Variants in C2orf49 observed in about 807,000 individuals in gnomAD.
The protein encoded by C2orf49 is tRNA-splicing ligase complex subunit ASW.
A neutral mutation model predicts 20.6 loss-of-function variants in C2orf49; 11 were observed. That is an observed-to-expected ratio of 0.53 (90% CI 0.34 to 0.88). The LOEUF is 0.88. C2orf49 is among the 40% of genes least tolerant of loss of function. The pLI is 0.02. For synonymous variants in C2orf49, 134 were observed against 108.5 expected (o/e 1.24, Z -1.46); for missense variants, 289 against 274.2 (o/e 1.05, Z -0.38).
At chr2:105,369,878 A>T in the C2orf49 span, among the ~76,000 whole-genome samples, 1 of 152,206 alleles carries the variant, frequency 6.6e-6, no homozygotes, top group African/African-American at 2.4e-5. Flanking sequence ...CAGGGAATGC[A>T]CAGGGCACCT....
Position 105,342,848 on chromosome 2 carries a change from G to C in C2orf49, c.267G>C (p.Arg89Ser). The C allele has an allele frequency of 6.2e-7, 1 of 1,609,208 alleles. No individual in the cohort carries two copies. The highest frequency in any genetic ancestry group is 1.1e-5 in the South Asian group (1 of 90,860). The change falls in exon 3 of 4, where the codon AGG becomes AGC. Residue 89 changes from arginine to serine, a missense_variant and splice_region_variant. Coordinates refer to ENST00000258457, the MANE Select transcript of C2orf49 (RefSeq NM_024093.3). ...CAAGAGTGCATCTCTTTGATTTCAG[G>C]AGTAGCACTGTAGATGGGTTAAGGA... ...EQHEIKNETKRSSTVDGLRKR... is the reference protein window; with the variant it reads ...EQHEIKNETKSSSTVDGLRKR...
chr2:105,339,802 T>A (rs537512145), intron 2 of C2orf49, 53 bp downstream of exon 2: 23 of 1,415,104 alleles, frequency 1.6e-5, no homozygotes, highest in Middle Eastern at 2.1e-4. Flanking sequence ...TAAAGTTATA[T>A]ATAAGTTATT....
chr2:105,349,490 C>T (rs1184589398), downstream of C2orf49, among the ~76,000 whole-genome samples: 2 of 152,270 alleles, frequency 1.3e-5, no homozygotes, highest in South Asian at 2.1e-4. Context: ...TACTAAAGTG[C>T]ATTTTACTAA....
chr2:105,337,666 C>A lies in C2orf49; in HGVS notation c.79C>A (p.Leu27Ile). 1.4e-6 allele frequency: 2 copies of A among 1,461,678 alleles called. No individual in the cohort carries two copies. Among genetic ancestry groups the A allele is most frequent in the Non-Finnish European group, 1.8e-6 (2 of 1,087,602 alleles). 90.5% of individuals were successfully genotyped at this position (1,461,678 alleles called of 1,614,324 possible). Residue 27 changes from leucine (L) to isoleucine (I), a missense_variant, in exon 1 of 4, where the codon CTT becomes ATT. Transcript: ENST00000258457. ...LHPELLSQEF[L>I]LLTLEQKNIA... ...CCCGGAGCTGCTGTCCCAGGAGTTCCTTCTCCTCACTCTGGAGCAGGTTGG... is the reference window on the plus strand; with the variant it reads ...CCCGGAGCTGCTGTCCCAGGAGTTCATTCTCCTCACTCTGGAGCAGGTTGG...
chr2:105,377,157 A>C, the C2orf49 span, among the ~76,000 whole-genome samples: 1 of 152,172 alleles, frequency 6.6e-6, no homozygotes, highest in Non-Finnish European at 1.5e-5. Context: ...CATTCCACTA[A>C]TGGAATACTA....
In C2orf49 at chr2:105,337,619, C is replaced by G; in HGVS notation, c.32C>G (p.Thr11Arg). The G allele has an allele frequency of 6.2e-7, 1 of 1,610,344 alleles. No homozygotes were observed. The highest frequency in any genetic ancestry group is 8.5e-7 in the Non-Finnish European group (1 of 1,178,710). MAGDVGGRSC[T>R]DSELLLHPEL... Reference sequence around the variant, plus strand: ...GGGGATGTGGGCGGTCGCAGCTGCACGGACTCGGAACTGCTGCTGCACCCG... The same window carrying G: ...GGGGATGTGGGCGGTCGCAGCTGCAGGGACTCGGAACTGCTGCTGCACCCG... Residue 11 changes from threonine to arginine, a missense_variant, in exon 1 of 4, where the codon ACG becomes AGG. Thr to Arg is a moderately conservative substitution (Grantham distance 71). Transcript: ENST00000258457.
At chr2:105,365,684 A>C in the C2orf49 span, among the ~76,000 whole-genome samples, 2 of 151,900 alleles carry the variant, frequency 1.3e-5, no homozygotes, top group African/African-American at 4.8e-5. Context: ...CAAAAAAAAA[A>C]AAAAAAAATT....
chr2:105,363,196 G>C, the C2orf49 span: 14 of 1,298,096 alleles, frequency 1.1e-5, no homozygotes, highest in African/African-American at 1.4e-5. Context: ...CTGGGGAGTT[G>C]AGGGATATAG....
the C2orf49 span, among the ~76,000 whole-genome samples, chr2:105,373,050 G>A: frequency 7.4e-3 from 1,131 of 152,268 alleles, 9 homozygotes; most frequent in Non-Finnish European, 0.013. Flanking sequence ...TGGCCCAGTT[G>A]CGGCTGTGCC....
At chr2:105,373,763 G>A in the C2orf49 span, 1 of 1,612,296 alleles carries the variant, frequency 6.2e-7, no homozygotes, top group Non-Finnish European at 8.5e-7. Flanking sequence ...AAGACAGTCA[G>A]AGGCAGGACA....
At chr2:105,375,761 G>C in the C2orf49 span, 1 of 152,236 alleles carries the variant, frequency 6.6e-6, no homozygotes, top group African/African-American at 2.4e-5. Flanking sequence ...AGGGGGACTC[G>C]GGGGCAGGTT....
At chr2:105,380,058 C>G in the C2orf49 span, among the ~76,000 whole-genome samples, 1 of 152,156 alleles carries the variant, frequency 6.6e-6, no homozygotes, top group Non-Finnish European at 1.5e-5. Flanking sequence ...CTCCTGGACT[C>G]GCTTCTTAAG....
the C2orf49 span, among the ~76,000 whole-genome samples, chr2:105,381,041 C>A: frequency 2.0e-5 from 3 of 152,084 alleles, no homozygotes; most frequent in Non-Finnish European, 4.4e-5. Context: ...CCCTGGACCC[C>A]TCAGTTAATG....
chr2:105,350,097 C>T (rs1471526830), downstream of C2orf49, among the ~76,000 whole-genome samples: 1 of 152,228 alleles, frequency 6.6e-6, no homozygotes, highest in Non-Finnish European at 1.5e-5. Context: ...CCTATCCCCC[C>T]CGGTCTAGCT....
the C2orf49 span, among the ~76,000 whole-genome samples, chr2:105,381,709 A>G: frequency 6.6e-6 from 1 of 152,200 alleles, no homozygotes; most frequent in Admixed American, 6.5e-5. Context: ...AGGAAATCCA[A>G]ATAAATACGC....
chr2:105,365,023 G>A, the C2orf49 span, among the ~76,000 whole-genome samples: 45 of 152,312 alleles, frequency 3.0e-4, no homozygotes, highest in South Asian at 8.3e-4. Context: ...TAGCCTGTGT[G>A]TGTAAGACAT....
chr2:105,347,426 A>G lies in C2orf49; in HGVS notation c.*2055A>G, dbSNP rs558410923. The G allele has an allele frequency of 1.5e-4, 23 of 152,326 alleles. No homozygotes were observed. Among genetic ancestry groups the G allele is most frequent in the Admixed American group, 1.4e-3 (22 of 15,294 alleles). The allele number at this position is 152,326 out of a possible 1,614,324, so 9.4% of individuals were successfully genotyped here. A position where few individuals can be genotyped will look rare whatever the true frequency, so the allele number is the denominator to read the frequency against. On this transcript the variant is annotated 3_prime_UTR_variant, in exon 4 of 4. Transcript: ENST00000258457. ...TTTAAGTCAGTGGGAACTTATTTTT[A>G]GTTACTCAATAAAATTAATATTTTA...
In C2orf49 at chr2:105,341,552, A is replaced by T. The variant is rs149126529; in HGVS notation, c.267-1296A>T. ...GTGCTTCTTGAATCTTAGATTAAGC[A>T]AGCTGTCAAACCCTGCTCTCAGTCC... On this transcript the variant is annotated intron_variant, in intron 2 of 3. Transcript: ENST00000258457. 1.9e-3 allele frequency among the ~76,000 whole-genome samples: 286 copies of T among 152,366 alleles called. 2 individuals carry two copies. Among genetic ancestry groups the T allele is most frequent in the African/African-American group, 6.3e-3 (263 of 41,586 alleles).
chr2:105,383,263 C>T, the C2orf49 span, among the ~76,000 whole-genome samples: 468 of 152,268 alleles, frequency 3.1e-3, 2 homozygotes, highest in Middle Eastern at 6.8e-3. Flanking sequence ...AATCAGTCTA[C>T]GAAAATATTT....
Sources: gnomAD v4.1 joint callset for allele counts (sites outside exome capture counted in the v4.1 genomes callset) on GRCh38, gnomAD v4.1.1 for gene constraint, MANE v1.5 for transcripts, NCBI Gene and HGNC (gene_info 2026-07-23, HGNC 2026-07-21) for gene names.